Variants in EYS observed in about 807,000 individuals in gnomAD.
EYS encodes the protein EGF-like photoreceptor maintenance factor.
Under a neutral mutation model 282.1 loss-of-function variants are expected in EYS, and 250 were observed. That is an observed-to-expected ratio of 0.89 (90% CI 0.80 to 0.98). EYS has a LOEUF of 0.98. Ranked by LOEUF, EYS falls within the 50% of genes least tolerant of loss-of-function variation. The pLI, the probability that EYS is intolerant of heterozygous loss-of-function variation, is 0.00. For missense variants in EYS, 4,016 were observed against 3,709.0 expected, an observed-to-expected ratio of 1.08 and a Z score of -2.15; for synonymous variants, 1,355 against 1,282.9, an observed-to-expected ratio of 1.06 and a Z score of -1.20.
At chr6:64,146,691 A>G (rs987419366) in intron 31 of EYS, among the ~76,000 whole-genome samples, 1 of 152,110 alleles carries the variant, frequency 6.6e-6, no homozygotes, top group Non-Finnish European at 1.5e-5. Flanking sequence ...TTCTGTCCCC[A>G]GGAGCTGTTA....
chr6:64,961,502 T>C (rs1290454714), intron 14 of EYS, among the ~76,000 whole-genome samples: 1 of 152,108 alleles, frequency 6.6e-6, no homozygotes, highest in Non-Finnish European at 1.5e-5. Context: ...AAATTGTATA[T>C]TTGTATATAC....
chr6:65,326,197 T>G (rs559479462), intron 11 of EYS, among the ~76,000 whole-genome samples: 9 of 151,960 alleles, frequency 5.9e-5, no homozygotes, highest in Non-Finnish European at 1.3e-4. Context: ...CCTGTATCTG[T>G]TTTTCCTTTA....
At chr6:64,839,086 G>A (rs1479036885) in intron 19 of EYS, among the ~76,000 whole-genome samples, 1 of 151,898 alleles carries the variant, frequency 6.6e-6, no homozygotes, top group Non-Finnish European at 1.5e-5. Context: ...TATTCTTGAT[G>A]ATTAACATCT....
chr6:64,912,681 G>T lies in EYS; in HGVS notation c.2444C>A (p.Ser815Tyr). Residue 815 changes from serine (S) to tyrosine (Y), a missense_variant, in exon 16 of 43, where the codon TCT becomes TAT. Coordinates refer to ENST00000503581, the MANE Select transcript of EYS (RefSeq NM_001142800.2). ...AAGACCTCCATTCATGCATGGATCA[G>T]AGTCGCATTCATTTATTTCTTCACT... ...NCSEEINECD[S>Y]DPCMNGGLCH... 6.5e-7 allele frequency: 1 copy of T among 1,529,578 alleles called. No homozygotes were observed. The highest frequency in any genetic ancestry group is 8.8e-7 in the Non-Finnish European group (1 of 1,132,730). The allele number at this position is 1,529,578 out of a possible 1,614,324, so 94.8% of individuals were successfully genotyped here.
intron 30 of EYS, among the ~76,000 whole-genome samples, chr6:64,292,306 T>C (rs1768743314): frequency 6.6e-6 from 1 of 152,170 alleles, no homozygotes; most frequent in Non-Finnish European, 1.5e-5. Flanking sequence ...CTTAAATTAC[T>C]TTTGGGAATA....
intron 35 of EYS, among the ~76,000 whole-genome samples, chr6:63,964,617 G>T (rs1766220185): frequency 6.6e-6 from 1 of 152,164 alleles, no homozygotes; most frequent in Non-Finnish European, 1.5e-5. Flanking sequence ...ACCCAGAGAG[G>T]ATTTGCTGAA....
intron 5 of EYS, among the ~76,000 whole-genome samples, chr6:65,450,671 G>A (rs1764366255): frequency 6.6e-6 from 1 of 152,244 alleles, no homozygotes; most frequent in East Asian, 1.9e-4. Context: ...ACCTTGAGCA[G>A]GGCAGCTTCT....
rs74446134 is a variant in EYS, at chr6:65,499,989, T to G, written c.-332-3996A>C. Among the ~76,000 whole-genome samples, 722 of 151,346 alleles carry G rather than the reference T, an allele frequency of 4.8e-3. 6 individuals carry two copies. Among genetic ancestry groups the G allele is most frequent in the South Asian group, 0.012 (57 of 4,786 alleles). Reference sequence around the variant, plus strand: ...TGAGAAAACTTAAGTCACCATAGTGTCCAAAGAAATAAGAATAAAAAGAGT... The same window carrying G: ...TGAGAAAACTTAAGTCACCATAGTGGCCAAAGAAATAAGAATAAAAAGAGT... On this transcript the variant is annotated intron_variant, in intron 2 of 42. Coordinates refer to ENST00000503581, the MANE Select transcript of EYS (RefSeq NM_001142800.2).
intron 12 of EYS, among the ~76,000 whole-genome samples, chr6:65,160,340 T>C (rs1233149276): frequency 2.6e-5 from 4 of 151,000 alleles, no homozygotes; most frequent in African/African-American, 9.7e-5. Context: ...ATAGTGACTG[T>C]TTTGAATACT....
At chr6:65,171,590 G>A (rs1017891245) in intron 12 of EYS, among the ~76,000 whole-genome samples, 10 of 151,118 alleles carry the variant, frequency 6.6e-5, no homozygotes, top group South Asian at 4.2e-4. Context: ...GTGCGAGGTC[G>A]TTTCTGGTGC....
At chr6:65,422,285 G>A (rs77102303) in intron 5 of EYS, among the ~76,000 whole-genome samples, 4,664 of 151,926 alleles carry the variant, frequency 0.031, 227 homozygotes, top group African/African-American at 0.11. Flanking sequence ...ATCTCAAGAA[G>A]TTATTGTAAC....
Position 65,468,598 on chromosome 6 carries a change from T to C in EYS, c.862+21996A>G, listed in dbSNP as rs57670919. 6.8e-3 allele frequency among the ~76,000 whole-genome samples: 1,031 copies of C among 152,230 alleles called. 17 individuals are homozygous for C. The highest frequency in any genetic ancestry group is 0.023 in the African/African-American group (967 of 41,556). ...ACCTCCTTTTTCATTATGACTCTTATGTATTCCAGCGTCCTTTTAAGTATT... is the reference window on the plus strand; with the variant it reads ...ACCTCCTTTTTCATTATGACTCTTACGTATTCCAGCGTCCTTTTAAGTATT... On this transcript the variant is annotated intron_variant, in intron 5 of 42. Transcript: ENST00000503581.
intron 13 of EYS, among the ~76,000 whole-genome samples, chr6:65,034,395 T>C (rs563854161): frequency 6.6e-6 from 1 of 152,252 alleles, no homozygotes; most frequent in South Asian, 2.1e-4. Flanking sequence ...CATGGATATT[T>C]GTCTCCACTT....
At chr6:65,179,112 A>G (rs984300953) in intron 12 of EYS, among the ~76,000 whole-genome samples, 9 of 152,154 alleles carry the variant, frequency 5.9e-5, no homozygotes, top group Non-Finnish European at 7.4e-5. Flanking sequence ...GAAAGCAGGA[A>G]AGATCTAAAA....
At chr6:65,231,859 G>A (rs1227700872) in intron 12 of EYS, among the ~76,000 whole-genome samples, 2 of 151,716 alleles carry the variant, frequency 1.3e-5, no homozygotes, top group South Asian at 2.1e-4. Flanking sequence ...GCAAGTAGTG[G>A]TATGAATAGT....
intron 22 of EYS, among the ~76,000 whole-genome samples, chr6:64,664,855 G>C (rs1330680735): frequency 6.6e-6 from 1 of 152,108 alleles, no homozygotes; most frequent in African/African-American, 2.4e-5. Flanking sequence ...ATAAATTTTT[G>C]TTGTTTACAA....
intron 22 of EYS, among the ~76,000 whole-genome samples, chr6:64,663,601 C>T (rs1346778709): frequency 6.6e-6 from 1 of 152,126 alleles, no homozygotes; most frequent in Non-Finnish European, 1.5e-5. Flanking sequence ...AAAAAGTGAG[C>T]CTGCAATTCT....
chr6:64,280,072 T>C (rs1335800056), intron 30 of EYS, among the ~76,000 whole-genome samples: 5 of 152,212 alleles, frequency 3.3e-5, no homozygotes, highest in Non-Finnish European at 7.3e-5. Context: ...CTAGAAGTTA[T>C]ACAAATCACA....
chr6:64,125,154 G>GCGCGCGCGCGCGCGCGCTCTCTC (rs1773724746), intron 31 of EYS, among the ~76,000 whole-genome samples: 5 of 145,264 alleles, frequency 3.4e-5, no homozygotes, highest in African/African-American at 1.0e-4. Flanking sequence ...CACACTCTCT[G>GCGCGCGCGCGCGCGCGCTCTCTC]TCTCTCTCTC....
Sources: gnomAD v4.1 joint callset for allele counts (sites outside exome capture counted in the v4.1 genomes callset) on GRCh38, gnomAD v4.1.1 for gene constraint, MANE v1.5 for transcripts, NCBI Gene and HGNC (gene_info 2026-07-23, HGNC 2026-07-21) for gene names.